Variants in TMEM163 observed in about 807,000 individuals in gnomAD.
TMEM163 encodes transmembrane protein 163.
A neutral mutation model predicts 29.3 loss-of-function variants in TMEM163; 17 were observed. The observed-to-expected ratio is 0.58, with a 90% CI of 0.40 to 0.87. TMEM163 has a LOEUF of 0.87. TMEM163 is among the 40% of genes least tolerant of loss of function. The pLI is 0.00. For synonymous variants in TMEM163, 157 were observed against 160.6 expected (o/e 0.98, Z 0.17); for missense variants, 303 against 381.5 (o/e 0.79, Z 1.71).
chr2:134,596,638 A>C (rs1682090343), intron 2 of TMEM163, among the ~76,000 whole-genome samples: 1 of 152,198 alleles, frequency 6.6e-6, no homozygotes, highest in Non-Finnish European at 1.5e-5. Context: ...AGTTTTTTCC[A>C]ATTCTGTGAA....
chr2:134,527,126 G>A (rs1490309190), intron 4 of TMEM163, among the ~76,000 whole-genome samples: 1 of 152,028 alleles, frequency 6.6e-6, no homozygotes, highest in Non-Finnish European at 1.5e-5. Flanking sequence ...CAGACTATTT[G>A]TCAGTCATGA....
At chr2:134,523,031 C>T (rs958551501) in intron 4 of TMEM163, among the ~76,000 whole-genome samples, 5 of 152,224 alleles carry the variant, frequency 3.3e-5, no homozygotes, top group South Asian at 2.1e-4. Context: ...CTGGTAATCA[C>T]GACTCCACAT....
chr2:134,499,684 A>T (rs566659241), intron 5 of TMEM163, among the ~76,000 whole-genome samples: 1 of 152,362 alleles, frequency 6.6e-6, no homozygotes, highest in South Asian at 2.1e-4. Context: ...ACTAAAAAGA[A>T]GGCTGCCAAG....
Position 134,648,586 on chromosome 2 carries a change from A to C in TMEM163, c.322+64614T>G, listed in dbSNP as rs139260401. ...AGTAGGAAAGATACATATTAAGGAT[A>C]TGGAAAAAGAACCATCATCCAGCTG... On this transcript the variant is annotated intron_variant, in intron 2 of 7. Transcript: ENST00000281924. Among the ~76,000 whole-genome samples, 426 of 152,294 alleles carry C rather than the reference A, an allele frequency of 2.8e-3. 3 individuals carry two copies. Among genetic ancestry groups the C allele is most frequent in the African/African-American group, 9.4e-3 (391 of 41,552 alleles).
intron 5 of TMEM163, among the ~76,000 whole-genome samples, chr2:134,499,630 A>G (rs1297672230): frequency 6.6e-6 from 1 of 152,130 alleles, no homozygotes; most frequent in African/African-American, 2.4e-5. Flanking sequence ...CTCAAAACTC[A>G]CCCATTCCTG....
In TMEM163 at chr2:134,671,371, C is replaced by T. The variant is rs954688461; in HGVS notation, c.322+41829G>A. 5.9e-5 allele frequency among the ~76,000 whole-genome samples: 9 copies of T among 152,258 alleles called. No individual in the cohort carries two copies. In the East Asian group the frequency reaches 1.5e-3, roughly 26 times the overall value. Reference sequence around the variant, plus strand: ...TCCTGTAGTCCAGGATCACTTGCTACTTCTCCCCAAACCATTTCAGATCCA... The same window carrying T: ...TCCTGTAGTCCAGGATCACTTGCTATTTCTCCCCAAACCATTTCAGATCCA... On this transcript the variant is annotated intron_variant, in intron 2 of 7. Coordinates refer to ENST00000281924, the MANE Select transcript of TMEM163 (RefSeq NM_030923.5).
At chr2:134,662,034 T>C (rs529809703) in intron 2 of TMEM163, among the ~76,000 whole-genome samples, 192 of 151,444 alleles carry the variant, frequency 1.3e-3, no homozygotes, top group Non-Finnish European at 2.3e-3. Flanking sequence ...CGGGTTTACT[T>C]ATGCCATTCT....
chr2:134,550,505 G>T, intron 4 of TMEM163, 65 bp downstream of exon 4: 1 of 1,463,636 alleles, frequency 6.8e-7, no homozygotes, highest in Non-Finnish European at 9.6e-7. Context: ...TGTGTTGAGG[G>T]CCTCATTCCG....
intron 4 of TMEM163, among the ~76,000 whole-genome samples, chr2:134,515,494 T>C (rs1354029502): frequency 6.6e-6 from 1 of 152,236 alleles, no homozygotes; most frequent in Admixed American, 6.5e-5. Flanking sequence ...TTCAAGTAAT[T>C]GACTTAAATT....
At chr2:134,685,013 T>C (rs756054738) in intron 2 of TMEM163, among the ~76,000 whole-genome samples, 40 of 151,736 alleles carry the variant, frequency 2.6e-4, no homozygotes, top group Non-Finnish European at 4.7e-4. Flanking sequence ...GTCCATCCTC[T>C]CCCACCTAAC....
chr2:134,656,407 C>T (rs1683614870), intron 2 of TMEM163, among the ~76,000 whole-genome samples: 1 of 151,844 alleles, frequency 6.6e-6, no homozygotes, highest in Non-Finnish European at 1.5e-5. Flanking sequence ...TGCTTCGGCT[C>T]GCGCACGGTG....
intron 2 of TMEM163, among the ~76,000 whole-genome samples, chr2:134,696,443 A>G (rs547409004): frequency 5.9e-5 from 9 of 152,330 alleles, no homozygotes; most frequent in Non-Finnish European, 1.2e-4. Context: ...GAAAAAGCCT[A>G]TTGGAATTCT....
chr2:134,478,956 G>A (rs767993068), intron 5 of TMEM163, among the ~76,000 whole-genome samples: 3 of 152,222 alleles, frequency 2.0e-5, no homozygotes, highest in East Asian at 1.9e-4. Context: ...ATCCTGGGGT[G>A]GAAGGGGTCA....
chr2:134,494,458 T>C (rs57048063), intron 5 of TMEM163, among the ~76,000 whole-genome samples: 20,279 of 152,196 alleles, frequency 0.13, 1,699 homozygotes, highest in Middle Eastern at 0.3. Context: ...TGACGGCGGA[T>C]CTCGGAATTA....
chr2:134,505,356 C>A (rs994303735), intron 4 of TMEM163, among the ~76,000 whole-genome samples: 9 of 149,292 alleles, frequency 6.0e-5, no homozygotes, highest in African/African-American at 2.0e-4. Flanking sequence ...GCAGGCAATT[C>A]TTGTGTACAC....
intron 2 of TMEM163, among the ~76,000 whole-genome samples, chr2:134,706,013 C>T (rs891801269): frequency 1.3e-5 from 2 of 152,166 alleles, no homozygotes; most frequent in African/African-American, 4.8e-5. Context: ...CAATTAAACG[C>T]TGTGTGAAGA....
intron 4 of TMEM163, among the ~76,000 whole-genome samples, chr2:134,550,217 A>C (rs766669459): frequency 2.6e-5 from 4 of 152,210 alleles, no homozygotes; most frequent in Non-Finnish European, 5.9e-5. Flanking sequence ...TGTAAATGAC[A>C]GTGGAGAATT....
At chr2:134,622,297 T>C (rs1682756970) in intron 2 of TMEM163, among the ~76,000 whole-genome samples, 1 of 152,204 alleles carries the variant, frequency 6.6e-6, no homozygotes, top group African/African-American at 2.4e-5. Context: ...CTTTAAAAAA[T>C]CATAGCTCGA....
chr2:134,523,982 A>G (rs1231590497), intron 4 of TMEM163, among the ~76,000 whole-genome samples: 2 of 152,152 alleles, frequency 1.3e-5, no homozygotes, highest in Non-Finnish European at 2.9e-5. Context: ...ACAACAAATA[A>G]TTATCCAGCC....
Sources: gnomAD v4.1 joint callset for allele counts (sites outside exome capture counted in the v4.1 genomes callset) on GRCh38, gnomAD v4.1.1 for gene constraint, MANE v1.5 for transcripts, NCBI Gene and HGNC (gene_info 2026-07-23, HGNC 2026-07-21) for gene names.